The following SENP7 variants were observed in gnomAD, a reference collection of about 807,000 sequenced individuals.
The protein encoded by SENP7 is sentrin-specific protease 7.
In SENP7, 64 loss-of-function variants were observed where a neutral mutation model predicts 141.2. The observed-to-expected ratio is 0.45, with a 90% confidence interval of 0.37 to 0.56. The LOEUF is 0.56. Ranked by LOEUF, SENP7 falls within the 20% of genes least tolerant of loss-of-function variation. The pLI is 0.00. For missense variants in SENP7, 1,025 were observed against 1,212.2 expected, an observed-to-expected ratio of 0.85 and a Z score of 2.29; for synonymous variants, 382 against 426.4, an observed-to-expected ratio of 0.90 and a Z score of 1.28.
chr3:101,408,654 C>A (rs1004314234), intron 5 of SENP7, among the ~76,000 whole-genome samples: 11 of 152,080 alleles, frequency 7.2e-5, no homozygotes, highest in African/African-American at 2.7e-4. Flanking sequence ...ATGTGACACA[C>A]CACATAAACA....
At chr3:101,352,551 T>C (rs141832880) in intron 11 of SENP7, among the ~76,000 whole-genome samples, 10 of 152,188 alleles carry the variant, frequency 6.6e-5, no homozygotes, top group African/African-American at 9.6e-5. Flanking sequence ...GCTGCTTTTA[T>C]AATAGGGTTG....
At chr3:101,449,021 A>G (rs1334464796) in intron 4 of SENP7, among the ~76,000 whole-genome samples, 1 of 152,216 alleles carries the variant, frequency 6.6e-6, no homozygotes, top group South Asian at 2.1e-4. Flanking sequence ...CAATGCAGAG[A>G]AGTCCTTAAA....
chr3:101,389,786 C>G (rs756037866), intron 6 of SENP7, among the ~76,000 whole-genome samples: 1 of 151,946 alleles, frequency 6.6e-6, no homozygotes, highest in East Asian at 1.9e-4. Context: ...AGAAAACCAC[C>G]AAACTGAAGT....
intron 6 of SENP7, among the ~76,000 whole-genome samples, chr3:101,381,762 T>A (rs1352399204): frequency 6.6e-6 from 1 of 152,192 alleles, no homozygotes; most frequent in Non-Finnish European, 1.5e-5. Flanking sequence ...ATATATGCAC[T>A]ATTTGTATCA....
At chr3:101,433,284 A>T (rs2062252449) in intron 4 of SENP7, among the ~76,000 whole-genome samples, 1 of 151,956 alleles carries the variant, frequency 6.6e-6, no homozygotes, top group Non-Finnish European at 1.5e-5. Flanking sequence ...AAAAAGCATT[A>T]AACCAAATCA....
chr3:101,463,007 TACTG>T (rs2063600036), intron 3 of SENP7, among the ~76,000 whole-genome samples: 1 of 152,082 alleles, frequency 6.6e-6, no homozygotes. Context: ...GCAATACACA[TACTG>T]ACAACAGACT....
intron 3 of SENP7, among the ~76,000 whole-genome samples, chr3:101,489,903 G>C (rs1283118944): frequency 6.6e-6 from 1 of 152,180 alleles, no homozygotes; most frequent in Non-Finnish European, 1.5e-5. Flanking sequence ...ACCAAGCCCA[G>C]GCCGGGCACA....
chr3:101,400,849 C>T (rs1176021706), intron 5 of SENP7, among the ~76,000 whole-genome samples: 1 of 151,652 alleles, frequency 6.6e-6, no homozygotes, highest in Admixed American at 6.6e-5. Context: ...AATCCCAGCA[C>T]TTTGGGAGGT....
chr3:101,391,841 G>C (rs182849587), intron 6 of SENP7, among the ~76,000 whole-genome samples: 1 of 152,224 alleles, frequency 6.6e-6, no homozygotes, highest in Non-Finnish European at 1.5e-5. Flanking sequence ...CAGAATACTA[G>C]CAAACAGAAT....
In SENP7 at chr3:101,328,554, A is replaced by G. The variant is rs1199697902; in HGVS notation, c.2796-8T>C. On this transcript the variant is annotated splice_region_variant and splice_polypyrimidine_tract_variant and intron_variant, in intron 21 of 23. Coordinates refer to ENST00000394095, the MANE Select transcript of SENP7 (RefSeq NM_020654.5). The stretch of plus-strand genomic sequence containing the variant: ...AGTATAAGAATACATGGCCTATGAA[A>G]AGCAAAGGACAAAATCAAGATTTAC... 1.2e-6 allele frequency: 2 copies of G among 1,611,916 alleles called. No homozygotes were observed. The highest frequency in any genetic ancestry group is 3.3e-4 in the Middle Eastern group (2 of 6,034).
chr3:101,408,780 C>T (rs561150785), intron 5 of SENP7, among the ~76,000 whole-genome samples: 17 of 152,002 alleles, frequency 1.1e-4, no homozygotes, highest in Non-Finnish European at 2.4e-4. Flanking sequence ...AGGGACATAC[C>T]TCAATATAAT....
chr3:101,364,228 A>AAAAGAAAGAAAGAAAGAAAGAAAGAAAG lies in SENP7; in HGVS notation c.1476+578_1476+605dup, dbSNP rs142675849. 2.7e-3 allele frequency among the ~76,000 whole-genome samples: 408 copies of AAAAGAAAGAAAGAAAGAAAGAAAGAAAG among 148,772 alleles called. 5 individuals are homozygous for AAAAGAAAGAAAGAAAGAAAGAAAGAAAG. Among genetic ancestry groups the AAAAGAAAGAAAGAAAGAAAGAAAGAAAG allele is most frequent in the African/African-American group, 5.1e-3 (204 of 39,656 alleles). ...GGTGACAGGGCAAGACCTTGTCTCA[A>AAAAGAAAGAAAGAAAGAAAGAAAGAAAG]AAAGAAAGAAAGAAAGAAAGAAAGA... On this transcript the variant is annotated intron_variant, in intron 10 of 23. Coordinates refer to ENST00000394095, the MANE Select transcript of SENP7 (RefSeq NM_020654.5).
At position 101,347,995 on chromosome 3, in the gene SENP7, AC is replaced by A; in HGVS notation, c.1713del (p.Leu572TyrfsTer33). 6.2e-7 allele frequency: 1 copy of A among 1,611,876 alleles called. No homozygotes were observed. The highest frequency in any genetic ancestry group is 8.5e-7 in the Non-Finnish European group (1 of 1,178,826). ...TGATTATCATCCTTACTTTTCCATA[AC>A]CCAAACCGCTTTAAATGTGTGGTAT... ...LVDTTHLKRF[G>X]LWKSKDDNHS... On this transcript the variant is annotated frameshift_variant, in exon 13 of 24. Transcript: ENST00000394095. LOFTEE classifies it high-confidence loss of function.
At chr3:101,484,613 A>G (rs6773410) in intron 3 of SENP7, among the ~76,000 whole-genome samples, 9,993 of 152,164 alleles carry the variant, frequency 0.066, 656 homozygotes, top group East Asian at 0.23. Context: ...CGTGCCCCCA[A>G]TGGAGAAGCT....
At chr3:101,402,680 TCTGGATGA>T (rs1322330499) in intron 5 of SENP7, among the ~76,000 whole-genome samples, 1 of 150,292 alleles carries the variant, frequency 6.7e-6, no homozygotes, top group Non-Finnish European at 1.5e-5. Context: ...AACTACAATG[TCTGGATGA>T]CTGGATGACA....
At chr3:101,385,155 T>A (rs756358569) in intron 6 of SENP7, among the ~76,000 whole-genome samples, 2 of 152,170 alleles carry the variant, frequency 1.3e-5, no homozygotes, top group Non-Finnish European at 2.9e-5. Context: ...TGTGTGCATG[T>A]GTGTGTGTAT....
chr3:101,346,516 T>C (rs1369806549), intron 13 of SENP7, among the ~76,000 whole-genome samples: 1 of 152,126 alleles, frequency 6.6e-6, no homozygotes, highest in Non-Finnish European at 1.5e-5. Context: ...CAAATGCCCA[T>C]CAATCAATGA....
intron 6 of SENP7, among the ~76,000 whole-genome samples, chr3:101,381,524 C>G: frequency 6.6e-6 from 1 of 151,950 alleles, no homozygotes; most frequent in East Asian, 1.9e-4. Flanking sequence ...ATATCAATTT[C>G]ATACTTTTCT....
intron 4 of SENP7, among the ~76,000 whole-genome samples, chr3:101,436,420 A>G (rs1041135939): frequency 7.2e-5 from 11 of 152,172 alleles, no homozygotes; most frequent in African/African-American, 4.8e-5. Context: ...AAATGGACAA[A>G]TAAGATCACA....
Sources: gnomAD v4.1 joint callset for allele counts (sites outside exome capture counted in the v4.1 genomes callset) on GRCh38, gnomAD v4.1.1 for gene constraint, MANE v1.5 for transcripts, NCBI Gene and HGNC (gene_info 2026-07-23, HGNC 2026-07-21) for gene names.